Variants in MGST3 observed in about 807,000 individuals in gnomAD.
MGST3 encodes the protein microsomal glutathione S-transferase 3.
A neutral mutation model predicts 15.8 loss-of-function variants in MGST3; 13 were observed. That is an observed-to-expected ratio of 0.82 (90% CI 0.54 to 1.31). The LOEUF is 1.31. MGST3 is among the 50% of genes most tolerant of loss of function. The pLI, the probability that MGST3 is intolerant of heterozygous loss-of-function variation, is 0.00. For synonymous variants in MGST3, 49 were observed against 68.1 expected (o/e 0.72, Z 1.38); for missense variants, 155 against 192.4 (o/e 0.81, Z 1.15).
At chr1:165,634,770 TCTCCCTCCCTCTCC>T (rs1553239140) in intron 1 of MGST3, among the ~76,000 whole-genome samples, 8 of 24,766 alleles carry the variant, frequency 3.2e-4, no homozygotes, top group Admixed American at 5.0e-4. Flanking sequence ...CCTCCCTCTC[TCTCCCTCCCTCTCC>T]CTCCCTCCCT....
At chr1:165,634,512 T>C (rs906522168) in intron 1 of MGST3, among the ~76,000 whole-genome samples, 4 of 152,138 alleles carry the variant, frequency 2.6e-5, no homozygotes, top group Non-Finnish European at 5.9e-5. Flanking sequence ...TCTATATCAC[T>C]ACCCTTCAGA....
intron 1 of MGST3, among the ~76,000 whole-genome samples, chr1:165,633,053 T>C (rs1647996499): frequency 6.6e-6 from 1 of 152,244 alleles, no homozygotes; most frequent in Non-Finnish European, 1.5e-5. Flanking sequence ...CCATGAACCA[T>C]CTAGCATTTT....
rs140040297 is a variant in MGST3, at chr1:165,655,914, G to A, written c.*410G>A. The A allele has an allele frequency of 1.3e-5, 3 of 223,318 alleles. No individual in the cohort carries two copies. Among genetic ancestry groups the A allele is most frequent in the African/African-American group, 7.0e-5 (3 of 42,650 alleles). The allele number at this position is 223,318 out of a possible 1,614,324, so 13.8% of individuals were successfully genotyped here. ...GAGCCTAAAAGTTCAAGACCAGCCT[G>A]GGCAACATAGCAAAACCCCATCTCT... On this transcript the variant is annotated 3_prime_UTR_variant, in exon 6 of 6. Transcript: ENST00000367889.
In MGST3 at chr1:165,655,670, T is replaced by C. The variant is rs916615860; in HGVS notation, c.*166T>C. ...CGTTTGAGTCTGTATCTGAAATCAG[T>C]AGCCTAGTCCTACTAGATGAGAAAG... On this transcript the variant is annotated 3_prime_UTR_variant, in exon 6 of 6. Transcript: ENST00000367889. 2.5e-6 allele frequency: 2 copies of C among 804,034 alleles called. No homozygotes were observed. The highest frequency in any genetic ancestry group is 3.9e-6 in the Non-Finnish European group (2 of 509,274). 49.8% of individuals were successfully genotyped at this position (804,034 alleles called of 1,614,324 possible).
chr1:165,631,905 C>A (rs549697632), intron 1 of MGST3, among the ~76,000 whole-genome samples: 1 of 152,348 alleles, frequency 6.6e-6, no homozygotes, highest in East Asian at 1.9e-4. Context: ...TGACTTAGAG[C>A]AAGAGACGCC....
In MGST3 at chr1:165,649,847, G is replaced by A. The variant is rs1381026764; in HGVS notation, c.-1G>A. 1.9e-6 allele frequency: 3 copies of A among 1,614,114 alleles called. No individual in the cohort carries two copies. The East Asian group carries it at 6.7e-5, about 36-fold the overall frequency. ...CGTGTTCTTTCTTCCACAGACGCAAGATGGCTGTCCTCTCTAAGGAATATG... is the reference window on the plus strand; with the variant it reads ...CGTGTTCTTTCTTCCACAGACGCAAAATGGCTGTCCTCTCTAAGGAATATG... On this transcript the variant is annotated 5_prime_UTR_variant, in exon 2 of 6. Coordinates refer to ENST00000367889, the MANE Select transcript of MGST3 (RefSeq NM_004528.4).
intron 1 of MGST3, among the ~76,000 whole-genome samples, chr1:165,633,930 GT>G (rs1366802289): frequency 6.6e-6 from 1 of 151,762 alleles, no homozygotes; most frequent in Admixed American, 6.6e-5. Flanking sequence ...ATTGGAGGAA[GT>G]TTTTTCCTTC....
intron 1 of MGST3, among the ~76,000 whole-genome samples, chr1:165,642,364 A>G (rs767529995): frequency 7.2e-5 from 11 of 152,206 alleles, no homozygotes; most frequent in Non-Finnish European, 1.5e-4. Flanking sequence ...GGATGTCCAT[A>G]GTCAGTGCTA....
intron 1 of MGST3, chr1:165,649,337 ACTTTCTTG>A (rs1270913391): frequency 1.2e-5 from 2 of 163,590 alleles, no homozygotes; most frequent in Non-Finnish European, 1.3e-5. Context: ...TTGCTTTCTC[ACTTTCTTG>A]CTTTCTCTCT....
At chr1:165,636,789 C>G (rs916356636) in intron 1 of MGST3, 5 of 152,180 alleles carry the variant, frequency 3.3e-5, no homozygotes, top group Non-Finnish European at 5.9e-5. Context: ...TTTAATTTCT[C>G]CATTGAGCAT....
At chr1:165,651,746 T>C (rs1269362254) in intron 3 of MGST3, 2 of 457,992 alleles carry the variant, frequency 4.4e-6, no homozygotes, top group Non-Finnish European at 7.9e-6. Context: ...TCTACAAAAC[T>C]TAGCCAGGCA....
At chr1:165,644,123 A>G (rs563059121) in intron 1 of MGST3, among the ~76,000 whole-genome samples, 1 of 152,176 alleles carries the variant, frequency 6.6e-6, no homozygotes, top group East Asian at 1.9e-4. Flanking sequence ...ACTTCCCTCA[A>G]CAGTGTAGAA....
chr1:165,646,070 G>A (rs1648391682), intron 1 of MGST3: 1 of 152,196 alleles, frequency 6.6e-6, no homozygotes, highest in African/African-American at 2.4e-5. Flanking sequence ...CACAGAGTAG[G>A]TATATAATCA....
intron 1 of MGST3, among the ~76,000 whole-genome samples, chr1:165,638,249 G>A (rs1186694439): frequency 6.6e-6 from 1 of 152,126 alleles, no homozygotes; most frequent in Non-Finnish European, 1.5e-5. Context: ...GAGGCTGAGA[G>A]AGGCAAATTG....
intron 1 of MGST3, among the ~76,000 whole-genome samples, chr1:165,642,059 A>T (rs772586481): frequency 2.0e-5 from 3 of 152,190 alleles, no homozygotes; most frequent in Non-Finnish European, 4.4e-5. Flanking sequence ...GTCTTTCCCT[A>T]CCCATTTATT....
intron 1 of MGST3, chr1:165,648,741 AT>A (rs1326128835): frequency 6.6e-6 from 1 of 152,158 alleles, no homozygotes; most frequent in East Asian, 1.9e-4. Context: ...CCTATCCCAA[AT>A]TCTGTTTTAA....
chr1:165,638,991 A>G (rs756210297), intron 1 of MGST3, among the ~76,000 whole-genome samples: 2 of 146,432 alleles, frequency 1.4e-5, no homozygotes, highest in Admixed American at 6.7e-5. Context: ...AACCAGGACA[A>G]TCAGTCAAGA....
At chr1:165,654,159 A>C in intron 4 of MGST3, 120 bp from the exon 5 acceptor site, 1 of 876,238 alleles carries the variant, frequency 1.1e-6, no homozygotes, top group East Asian at 2.5e-5. Context: ...CGTGGGGAGT[A>C]GTTGGCCAAA....
intron 4 of MGST3, chr1:165,653,719 T>C (rs1445419284): frequency 1.3e-5 from 2 of 157,178 alleles, no homozygotes; most frequent in Non-Finnish European, 2.8e-5. Flanking sequence ...AGGGAGACTT[T>C]TCCCTCGAAG....
Sources: allele counts gnomAD v4.1 joint callset (sites outside exome capture counted in the v4.1 genomes callset), GRCh38; gene constraint gnomAD v4.1.1; transcripts MANE v1.5; gene names NCBI Gene and HGNC (gene_info 2026-07-23, HGNC 2026-07-21).